CFAP96: variants seen among roughly 807,000 people sequenced by gnomAD.
The protein encoded by CFAP96 is cilia-and flagella-associated protein 96.
chr4:185,425,186 C>T, the CFAP96 span, among the ~76,000 whole-genome samples: 1 of 152,074 alleles, frequency 6.6e-6, no homozygotes, highest in African/African-American at 2.4e-5. Context: ...AGGATGATTT[C>T]CAGGTTTTGG....
At chr4:185,448,352 G>A in the CFAP96 span, among the ~76,000 whole-genome samples, 8 of 152,094 alleles carry the variant, frequency 5.3e-5, no homozygotes, top group Admixed American at 3.3e-4. Flanking sequence ...ATTTTGAATG[G>A]TAGCTTAACT....
chr4:185,427,620 C>T, the CFAP96 span, among the ~76,000 whole-genome samples: 1 of 151,398 alleles, frequency 6.6e-6, no homozygotes, highest in South Asian at 2.1e-4. Context: ...ATCAGCCGGG[C>T]GTGGTGGCAG....
chr4:185,432,159 A>G, the CFAP96 span: 1 of 1,551,844 alleles, frequency 6.4e-7, no homozygotes, highest in Non-Finnish European at 8.7e-7. Context: ...GCCAAAAAAA[A>G]TCTAGGCAAA....
chr4:185,447,224 C>CG, the CFAP96 span, among the ~76,000 whole-genome samples: 94 of 151,544 alleles, frequency 6.2e-4, no homozygotes, highest in Admixed American at 1.4e-3. Context: ...CTCTGTCGCC[C>CG]AGGCTGGAAT....
chr4:185,409,249 G>A, the CFAP96 span, among the ~76,000 whole-genome samples: 2 of 152,040 alleles, frequency 1.3e-5, no homozygotes, highest in Non-Finnish European at 2.9e-5. Flanking sequence ...ATTTGATGAC[G>A]CTAAGTTAAG....
the CFAP96 span, chr4:185,432,294 G>A: frequency 1.0e-6 from 1 of 967,236 alleles, no homozygotes; most frequent in Non-Finnish European, 1.5e-6. Flanking sequence ...ACTTATGTAA[G>A]ATGAATTTTT....
At chr4:185,410,669 G>A in the CFAP96 span, among the ~76,000 whole-genome samples, 794 of 143,292 alleles carry the variant, frequency 5.5e-3, 2 homozygotes, top group Admixed American at 0.012. Flanking sequence ...AGATTAGGCC[G>A]GGCGCAGTGG....
the CFAP96 span, chr4:185,444,983 G>A: frequency 1.3e-6 from 2 of 1,550,310 alleles, no homozygotes; most frequent in Admixed American, 2.0e-5. Context: ...ATGAAGGCAG[G>A]AACATTTGAT....
At chr4:185,432,903 T>G in the CFAP96 span, among the ~76,000 whole-genome samples, 3 of 151,868 alleles carry the variant, frequency 2.0e-5, no homozygotes, top group Admixed American at 2.0e-4. Context: ...TTTTTTGTTG[T>G]TTTTTGAGAC....
chr4:185,448,865 A>AT, the CFAP96 span, among the ~76,000 whole-genome samples: 3 of 114,730 alleles, frequency 2.6e-5, no homozygotes, highest in East Asian at 5.9e-4. Flanking sequence ...ATGCTGTTAG[A>AT]ACTTTGGAAC....
the CFAP96 span, among the ~76,000 whole-genome samples, chr4:185,423,333 CTAATA>C: frequency 6.6e-6 from 1 of 152,108 alleles, no homozygotes; most frequent in Non-Finnish European, 1.5e-5. Flanking sequence ...GGCACTGAAC[CTAATA>C]TAATACCAGG....
At chr4:185,443,401 T>C in the CFAP96 span, among the ~76,000 whole-genome samples, 3 of 139,360 alleles carry the variant, frequency 2.2e-5, no homozygotes, top group Non-Finnish European at 4.6e-5. Context: ...TGGAGTGCAG[T>C]GGCACGATCT....
chr4:185,443,342 A>ATATATTTTTTTTTTTTTTTT, the CFAP96 span, among the ~76,000 whole-genome samples: 4 of 26,726 alleles, frequency 1.5e-4, no homozygotes, highest in East Asian at 1.5e-3. Flanking sequence ...ATATATATAT[A>ATATATTTTTTTTTTTTTTTT]TTTTTTTTTT....
chr4:185,443,342 A>ATATATATATTTTTTTTTTTTTTTTTTT, the CFAP96 span, among the ~76,000 whole-genome samples: 1 of 26,726 alleles, frequency 3.7e-5, no homozygotes, highest in Non-Finnish European at 7.4e-5. Flanking sequence ...ATATATATAT[A>ATATATATATTTTTTTTTTTTTTTTTTT]TTTTTTTTTT....
the CFAP96 span, chr4:185,418,670 A>G: frequency 6.3e-5 from 101 of 1,614,066 alleles, no homozygotes; most frequent in Middle Eastern, 3.3e-4. Context: ...TAGGCCATAT[A>G]TACACTGAAC....
At chr4:185,416,088 G>A in the CFAP96 span, 1 of 363,420 alleles carries the variant, frequency 2.8e-6, no homozygotes, top group East Asian at 4.2e-5. Flanking sequence ...AGACCAGCCA[G>A]TAGAAGGACT....
the CFAP96 span, among the ~76,000 whole-genome samples, chr4:185,411,018 G>A: frequency 6.8e-6 from 1 of 146,986 alleles, no homozygotes; most frequent in Non-Finnish European, 1.5e-5. Context: ...TTAGAAGAAA[G>A]ACAATAAATC....
the CFAP96 span, among the ~76,000 whole-genome samples, chr4:185,436,641 C>T: frequency 2.6e-5 from 4 of 151,650 alleles, no homozygotes; most frequent in African/African-American, 9.7e-5. Context: ...ACCCAGGATA[C>T]GGAGGTTGCA....
chr4:185,415,569 C>T, the CFAP96 span: 1 of 841,190 alleles, frequency 1.2e-6, no homozygotes. Context: ...CTCCAAATAA[C>T]CATTTAATTA....
Sources: allele counts gnomAD v4.1 joint callset (sites outside exome capture counted in the v4.1 genomes callset), GRCh38; gene constraint gnomAD v4.1.1; transcripts MANE v1.5; gene names NCBI Gene and HGNC (gene_info 2026-07-23, HGNC 2026-07-21).